PRKN: variants seen among roughly 807,000 people sequenced by gnomAD.
The protein encoded by PRKN is parkin RBR E3 ubiquitin protein ligase, also known as E3 ubiquitin-protein ligase parkin.
A neutral mutation model predicts 59.5 loss-of-function variants in PRKN; 56 were observed. The observed-to-expected ratio is 0.94, with a 90% CI of 0.76 to 1.18. The LOEUF (loss-of-function observed/expected upper bound fraction) is 1.18. PRKN is among the 50% of genes most tolerant of loss of function. The pLI is 0.00. For synonymous variants in PRKN, 250 were observed against 222.1 expected, an observed-to-expected ratio of 1.13 and a Z score of -1.12; for missense variants, 657 against 596.4, an observed-to-expected ratio of 1.10 and a Z score of -1.06.
At chr6:162,132,891 C>A (rs1168751037) in intron 4 of PRKN, among the ~76,000 whole-genome samples, 1 of 152,100 alleles carries the variant, frequency 6.6e-6, no homozygotes, top group East Asian at 1.9e-4. Context: ...GCCTTCCAGG[C>A]AGAAAGAACA....
chr6:161,637,876 C>A (rs554851790), intron 7 of PRKN, among the ~76,000 whole-genome samples: 154 of 152,262 alleles, frequency 1.0e-3, no homozygotes, highest in Non-Finnish European at 1.7e-3. Context: ...GTGGCCCAAT[C>A]CAAGGTGACT....
intron 7 of PRKN, among the ~76,000 whole-genome samples, chr6:161,743,625 G>A (rs11755949): frequency 0.27 from 40,350 of 151,296 alleles, 5,800 homozygotes; most frequent in Admixed American, 0.35. Flanking sequence ...TTTGTCCTCC[G>A]CCCCCACTTG....
rs75632473 is a variant in PRKN, at chr6:161,703,727, C to A, written c.871+82045G>T. Among the ~76,000 whole-genome samples, 514 of 151,938 alleles carry A rather than the reference C, an allele frequency of 3.4e-3. 3 individuals are homozygous for A. Among genetic ancestry groups the A allele is most frequent in the African/African-American group, 0.01 (435 of 41,432 alleles). ...TAGGTACTTTATCTCCCCTCTACAA[C>A]CTTAGCATATGAAACTAAAGTCCTA... is the stretch of plus-strand genomic sequence containing the variant. On this transcript the variant is annotated intron_variant, in intron 7 of 11. Coordinates refer to ENST00000366898, the MANE Select transcript of PRKN (RefSeq NM_004562.3).
chr6:161,833,439 C>T (rs557002276), intron 6 of PRKN, among the ~76,000 whole-genome samples: 7 of 152,314 alleles, frequency 4.6e-5, no homozygotes, highest in South Asian at 2.1e-4. Flanking sequence ...CCTAGAAAAA[C>T]GCAAAAGAAA....
intron 2 of PRKN, among the ~76,000 whole-genome samples, chr6:162,382,013 T>C (rs186027521): frequency 6.6e-6 from 1 of 152,294 alleles, no homozygotes; most frequent in Admixed American, 6.5e-5. Context: ...TAGGGGGTTA[T>C]TGGTCAAAAA....
At chr6:162,607,162 C>T (rs1366644094) in intron 1 of PRKN, among the ~76,000 whole-genome samples, 2 of 152,154 alleles carry the variant, frequency 1.3e-5, no homozygotes, top group Non-Finnish European at 2.9e-5. Flanking sequence ...ACAAAGAGAT[C>T]TCTGGGTCTA....
At chr6:162,231,111 C>T (rs558917552) in intron 3 of PRKN, among the ~76,000 whole-genome samples, 1 of 152,082 alleles carries the variant, frequency 6.6e-6, no homozygotes, top group South Asian at 2.1e-4. Flanking sequence ...AATATGCCTC[C>T]CTCTCTCTCT....
chr6:161,350,281 C>T (rs1356193796), intron 11 of PRKN, 70 bp from the exon 12 acceptor site: 4 of 985,362 alleles, frequency 4.1e-6, no homozygotes, highest in East Asian at 2.6e-5. Flanking sequence ...ATTCCCAAAC[C>T]AGCACGCTAG....
At chr6:161,829,266 C>T (rs1792377429) in intron 6 of PRKN, among the ~76,000 whole-genome samples, 1 of 152,068 alleles carries the variant, frequency 6.6e-6, no homozygotes, top group Non-Finnish European at 1.5e-5. Flanking sequence ...AAAACAATAA[C>T]AGCAGCATAG....
chr6:162,348,798 AAAAG>A (rs910146846), intron 2 of PRKN, among the ~76,000 whole-genome samples: 12 of 152,168 alleles, frequency 7.9e-5, no homozygotes, highest in South Asian at 4.1e-4. Flanking sequence ...GCAAAAAAGA[AAAAG>A]AGAGAGAGAA....
chr6:162,448,676 A>C (rs1562772528), intron 1 of PRKN, among the ~76,000 whole-genome samples: 3 of 152,090 alleles, frequency 2.0e-5, no homozygotes. Context: ...GGAGCATCCC[A>C]GGAGTCTGAA....
At chr6:162,289,056 C>T (rs1562643519) in intron 2 of PRKN, among the ~76,000 whole-genome samples, 1 of 152,094 alleles carries the variant, frequency 6.6e-6, no homozygotes, top group Non-Finnish European at 1.5e-5. Flanking sequence ...CCTAGGATGG[C>T]AGTAATCAAG....
intron 1 of PRKN, among the ~76,000 whole-genome samples, chr6:162,579,854 C>G (rs1042312035): frequency 6.6e-6 from 1 of 152,152 alleles, no homozygotes; most frequent in African/African-American, 2.4e-5. Flanking sequence ...TCTTTCTTCT[C>G]TAGCAGACTC....
At chr6:161,516,826 C>CAAAAAAAA (rs369136348) in intron 9 of PRKN, among the ~76,000 whole-genome samples, 253 of 62,616 alleles carry the variant, frequency 4.0e-3, no homozygotes, top group Middle Eastern at 0.016. Context: ...GACTCAATCT[C>CAAAAAAAA]AAAAAAAAAA....
At chr6:162,055,852 G>T (rs550877135) in intron 4 of PRKN, among the ~76,000 whole-genome samples, 2 of 152,156 alleles carry the variant, frequency 1.3e-5, no homozygotes, top group South Asian at 2.1e-4. Context: ...GGAAAATGCC[G>T]TGGGAGGTGG....
intron 7 of PRKN, among the ~76,000 whole-genome samples, chr6:161,729,346 C>T (rs1410773682): frequency 6.6e-6 from 1 of 152,054 alleles, no homozygotes; most frequent in Non-Finnish European, 1.5e-5. Context: ...TTAAGAAATT[C>T]TTTGGATGGA....
chr6:162,510,743 G>T (rs1263875480), intron 1 of PRKN, among the ~76,000 whole-genome samples: 1 of 152,082 alleles, frequency 6.6e-6, no homozygotes, highest in Non-Finnish European at 1.5e-5. Flanking sequence ...CCAACGTAGT[G>T]AAACCCTGTA....
intron 1 of PRKN, among the ~76,000 whole-genome samples, chr6:162,490,584 TAAGA>T (rs1380946450): frequency 6.6e-5 from 10 of 152,340 alleles, no homozygotes; most frequent in African/African-American, 2.2e-4. Flanking sequence ...CTTTTTTCTT[TAAGA>T]AAACAAAACG....
intron 1 of PRKN, among the ~76,000 whole-genome samples, chr6:162,686,522 T>C (rs758384196): frequency 9.2e-5 from 14 of 152,126 alleles, no homozygotes; most frequent in Non-Finnish European, 1.9e-4. Flanking sequence ...ATATTTGATA[T>C]AAGAGTCTGT....
Sources: allele counts gnomAD v4.1 joint callset (sites outside exome capture counted in the v4.1 genomes callset), GRCh38; gene constraint gnomAD v4.1.1; transcripts MANE v1.5; gene names NCBI Gene and HGNC (gene_info 2026-07-23, HGNC 2026-07-21).